FAM83G: variants seen among roughly 807,000 people sequenced by gnomAD.
FAM83G encodes scaffolding CK1 anchoring protein G, also known as protein FAM83G.
A neutral mutation model predicts 61.5 loss-of-function variants in FAM83G; 38 were observed. The ratio of observed to expected loss-of-function variants is 0.62; its 90% CI spans 0.48 to 0.81. The LOEUF (loss-of-function observed/expected upper bound fraction) is 0.81, where lower values mean the gene tolerates loss of function less well. Among genes scored for constraint, FAM83G ranks in the 30% least tolerant of loss-of-function variants. The probability of loss-of-function intolerance (pLI) is 0.00; values close to 1 mark genes in which losing one functional copy is unlikely to be tolerated. For missense variants in FAM83G, 989 were observed against 1,133.6 expected (o/e 0.87, Z 1.83); for synonymous variants, 470 against 476.1 (o/e 0.99, Z 0.17).
chr17:19,004,233 G>A lies in FAM83G; in HGVS notation c.-128-64C>T. ...GGCGGGCCGCGCGGGGAGGGGCGGC[G>A]GGGGCGGGGCCGGGAACTCAGGTGG... On this transcript the variant is annotated intron_variant, in intron 1 of 5. Coordinates refer to ENST00000388995, the MANE Select transcript of FAM83G (RefSeq NM_001039999.3). This position sits in a 1 kb window ranked among gnomAD's most constrained non-coding sequence, Gnocchi z 5.4. 1.8e-6 allele frequency: 1 copy of A among 550,454 alleles called. No homozygotes were observed. Among genetic ancestry groups the A allele is most frequent in the Non-Finnish European group, 3.2e-6 (1 of 316,610 alleles). 34.1% of individuals were successfully genotyped at this position (550,454 alleles called of 1,614,324 possible). A position where few individuals can be genotyped will look rare whatever the true frequency, so the allele number is the denominator to read the frequency against.
chr17:18,984,396 C>T (rs2043215664), intron 3 of FAM83G, among the ~76,000 whole-genome samples: 1 of 151,744 alleles, frequency 6.6e-6, no homozygotes, highest in East Asian at 1.9e-4. Flanking sequence ...CAGACCCAGG[C>T]CCAGGTAGAG....
chr17:18,988,698 G>A (rs1272928498), intron 2 of FAM83G, among the ~76,000 whole-genome samples: 2 of 152,258 alleles, frequency 1.3e-5, no homozygotes, highest in Non-Finnish European at 2.9e-5. Context: ...TAACACCTGG[G>A]AATGCTGAGA....
At chr17:18,986,829 C>T (rs1411345167) in intron 3 of FAM83G, among the ~76,000 whole-genome samples, 2 of 152,230 alleles carry the variant, frequency 1.3e-5, no homozygotes, top group African/African-American at 2.4e-5. Flanking sequence ...TCCTGGGCAT[C>T]GGGCAGGGCC....
chr17:18,991,479 G>C (rs2043423409), intron 2 of FAM83G, among the ~76,000 whole-genome samples: 1 of 152,232 alleles, frequency 6.6e-6, no homozygotes, highest in African/African-American at 2.4e-5. Flanking sequence ...TCCTCTCAGA[G>C]GTCCTGGGCA....
At chr17:18,986,621 G>A (rs2043276326) in intron 3 of FAM83G, among the ~76,000 whole-genome samples, 2 of 152,344 alleles carry the variant, frequency 1.3e-5, no homozygotes, top group East Asian at 1.9e-4. Flanking sequence ...TGCAAGCAGC[G>A]GAGCAGCCAG....
At chr17:18,983,964 G>T (rs1187784720) in intron 3 of FAM83G, among the ~76,000 whole-genome samples, 4 of 152,148 alleles carry the variant, frequency 2.6e-5, no homozygotes, top group Non-Finnish European at 5.9e-5. Flanking sequence ...CAACATCCTT[G>T]GCCACTCAAT....
chr17:18,988,138 G>C, intron 3 of FAM83G, 109 bp downstream of exon 3: 1 of 1,474,566 alleles, frequency 6.8e-7, no homozygotes, highest in Non-Finnish European at 9.0e-7. Context: ...TGGACTCTGA[G>C]TGCCTGGCAC....
At chr17:18,986,725 C>G (rs1028821656) in intron 3 of FAM83G, among the ~76,000 whole-genome samples, 1 of 152,232 alleles carries the variant, frequency 6.6e-6, no homozygotes, top group Non-Finnish European at 1.5e-5. Flanking sequence ...GACAGGCTTG[C>G]TCCCTGCTTG....
In FAM83G at chr17:18,978,041, C is replaced by T. The variant is rs756034004; in HGVS notation, c.1625G>A (p.Arg542Lys). ...EEAPQNGTDH[R>K]LPRMAGPGHA... ...GCCTGGGCCTGCCATCCTGGGTAGCCTATGGTCTGTCCCATTCTGGGGAGC... is the reference window on the plus strand; with the variant it reads ...GCCTGGGCCTGCCATCCTGGGTAGCTTATGGTCTGTCCCATTCTGGGGAGC... The change falls in exon 5 of 6, where the codon AGG (arginine) becomes AAG (lysine). Residue 542 changes from arginine to lysine, a missense_variant. Arg to Lys is a conservative substitution (Grantham distance 26, BLOSUM62 2). Transcript: ENST00000388995. 1.3e-6 allele frequency: 2 copies of T among 1,532,464 alleles called. No homozygotes were observed. Among genetic ancestry groups the T allele is most frequent in the Admixed American group, 4.2e-5 (2 of 47,940 alleles). 94.9% of individuals were successfully genotyped at this position (1,532,464 alleles called of 1,614,324 possible).
chr17:18,988,238 C>A lies in FAM83G; in HGVS notation c.690+9G>T, dbSNP rs773852298. On this transcript the variant is annotated intron_variant, in intron 3 of 5. Transcript: ENST00000388995. ...TCCAGCCACCCAGGCAAGTGAGGAG[C>A]CTGCTCACCTTGAGGTGCCCCAGGT... 57 of 1,605,028 alleles carry A rather than the reference C, an allele frequency of 3.6e-5. No individual in the cohort carries two copies. The highest frequency in any genetic ancestry group is 1.9e-5 in the Non-Finnish European group (22 of 1,172,932).
intron 3 of FAM83G, chr17:18,986,266 A>G: frequency 6.6e-6 from 1 of 152,276 alleles, no homozygotes; most frequent in South Asian, 2.1e-4. Context: ...TGGGAGTGCT[A>G]GAAGATTGGT....
chr17:19,004,182 C>A lies in FAM83G; in HGVS notation c.-128-13G>T. The A allele has an allele frequency of 1.3e-6, 1 of 768,506 alleles. No individual in the cohort carries two copies. The highest frequency in any genetic ancestry group is 1.9e-6 in the Non-Finnish European group (1 of 515,530). The allele number at this position is 768,506 out of a possible 1,614,324, so 47.6% of individuals were successfully genotyped here. A position where few individuals can be genotyped will look rare whatever the true frequency, so the allele number is the denominator to read the frequency against. ...GCCCATGAGCAATCTGCGGGAAAGACCTGATGAGCCCGGCTCGGCGGGGAG... is the reference window on the plus strand; with the variant it reads ...GCCCATGAGCAATCTGCGGGAAAGAACTGATGAGCCCGGCTCGGCGGGGAG... On this transcript the variant is annotated splice_polypyrimidine_tract_variant and intron_variant, in intron 1 of 5. Transcript: ENST00000388995. This position sits in a 1 kb window ranked among gnomAD's most constrained non-coding sequence, Gnocchi z 5.4.
rs891347535 is a variant in FAM83G at position 19,004,292 on chromosome 17, G to C, written c.-128-123C>G. Reference sequence around the variant, plus strand: ...AGGACGGGGCTGGGGCTGGGGCTGGGAAGATGAGGTGGGGGCACTGGACTG... The same window carrying C: ...AGGACGGGGCTGGGGCTGGGGCTGGCAAGATGAGGTGGGGGCACTGGACTG... On this transcript the variant is annotated intron_variant, in intron 1 of 5. Transcript: ENST00000388995. The surrounding 1 kb of genome is among the most constrained non-coding windows in gnomAD (Gnocchi z 5.4). 7.9e-5 allele frequency: 38 copies of C among 483,166 alleles called. No homozygotes were observed. In the Admixed American group the frequency reaches 9.3e-4, roughly 12 times the overall value. 29.9% of individuals were successfully genotyped at this position (483,166 alleles called of 1,614,324 possible). A position where few individuals can be genotyped will look rare whatever the true frequency, so the allele number is the denominator to read the frequency against.
Position 18,977,665 on chromosome 17 carries a change from TG to T in FAM83G, c.2000del (p.Pro667HisfsTer14). 6.2e-7 allele frequency: 1 copy of T among 1,610,264 alleles called. No individual in the cohort carries two copies. Reference sequence around the variant, plus strand: ...CTTCTCTTCCCCGACTCTGGGCCCATGGGGAGCCACCCTGGGGTCCAACAAA... The same window carrying T: ...CTTCTCTTCCCCGACTCTGGGCCCATGGGAGCCACCCTGGGGTCCAACAAA... ...GTFVGPQGGS[P>X]WAQSRGREEA... On this transcript the variant is annotated frameshift_variant, in exon 5 of 6. Transcript: ENST00000388995. LOFTEE classifies it high-confidence loss of function.
rs566310665 is a variant in FAM83G, at chr17:19,002,102, G to A, written c.522+1418C>T. Among the ~76,000 whole-genome samples the A allele has an allele frequency of 2.8e-3, 423 of 150,746 alleles. 1 individual carries two copies. Among genetic ancestry groups the A allele is most frequent in the Admixed American group, 5.5e-3 (84 of 15,158 alleles). ...GGTCTCTCAGTCTGCAAACTATGAA[G>A]GTCCCTTCCTCCTCCCCCTCCTCCT... On this transcript the variant is annotated intron_variant, in intron 2 of 5. Transcript: ENST00000388995.
intron 3 of FAM83G, among the ~76,000 whole-genome samples, chr17:18,981,848 C>A (rs1346108092): frequency 6.6e-6 from 1 of 152,148 alleles, no homozygotes; most frequent in Non-Finnish European, 1.5e-5. Context: ...AATTAGCGCT[C>A]GTGACTTTGT....
Position 19,003,430 on chromosome 17 carries a change from G to A in FAM83G, c.522+90C>T. On this transcript the variant is annotated intron_variant, in intron 2 of 5. Transcript: ENST00000388995. The surrounding 1 kb of genome is among the most constrained non-coding windows in gnomAD (Gnocchi z 4.5). ...AGAGATCCCTAGAAGCCCATGTTGGGCTCCCGTTTTGGGCTCTGAGTGAGC... is the reference window on the plus strand; with the variant it reads ...AGAGATCCCTAGAAGCCCATGTTGGACTCCCGTTTTGGGCTCTGAGTGAGC... The A allele has an allele frequency of 7.3e-7, 1 of 1,360,610 alleles. No homozygotes were observed. Among genetic ancestry groups the A allele is most frequent in the Non-Finnish European group, 9.7e-7 (1 of 1,034,790 alleles). 84.3% of individuals were successfully genotyped at this position (1,360,610 alleles called of 1,614,324 possible).
chr17:18,983,960 C>T (rs961508871), intron 3 of FAM83G, among the ~76,000 whole-genome samples: 1 of 152,192 alleles, frequency 6.6e-6, no homozygotes, highest in Non-Finnish European at 1.5e-5. Context: ...TTAACAACAT[C>T]CTTGGCCACT....
At chr17:18,981,243 G>T (rs570871999) in intron 3 of FAM83G, among the ~76,000 whole-genome samples, 2 of 152,154 alleles carry the variant, frequency 1.3e-5, no homozygotes, top group Admixed American at 1.3e-4. Context: ...TAGGTCACAG[G>T]GGGAGGTGGG....
Sources: allele counts gnomAD v4.1 joint callset (sites outside exome capture counted in the v4.1 genomes callset), GRCh38; gene constraint gnomAD v4.1.1; non-coding constraint Gnocchi (gnomAD v3.1); transcripts MANE v1.5; gene names NCBI Gene and HGNC (gene_info 2026-07-23, HGNC 2026-07-21).